ETFDH: variants seen among roughly 807,000 people sequenced by gnomAD.
ETFDH encodes electron transfer flavoprotein dehydrogenase.
Under a neutral mutation model 73.2 loss-of-function variants are expected in ETFDH, and 61 were observed. The observed-to-expected ratio is 0.83, with a 90% CI of 0.68 to 1.03. The LOEUF is 1.03. ETFDH is among the 50% of genes least tolerant of loss of function. The pLI is 0.00. For missense variants in ETFDH, 685 were observed against 745.0 expected (o/e 0.92, Z 0.94); for synonymous variants, 243 against 253.3 (o/e 0.96, Z 0.39).
chr4:158,707,255 T>C (rs183382502), intron 12 of ETFDH, among the ~76,000 whole-genome samples: 2 of 152,224 alleles, frequency 1.3e-5, no homozygotes, highest in African/African-American at 4.8e-5. Flanking sequence ...GAATATTCTT[T>C]CAGTGCTGAG....
chr4:158,676,519 G>A (rs1471146471), intron 1 of ETFDH, among the ~76,000 whole-genome samples: 1 of 152,204 alleles, frequency 6.6e-6, no homozygotes, highest in East Asian at 1.9e-4. Flanking sequence ...CTGGTCCCCA[G>A]GAAGGAAGGG....
At chr4:158,698,419 A>C (rs1257741442) in intron 8 of ETFDH, among the ~76,000 whole-genome samples, 1 of 152,190 alleles carries the variant, frequency 6.6e-6, no homozygotes, top group East Asian at 1.9e-4. Context: ...AGATGCAGTT[A>C]ATTTTAACAC....
chr4:158,672,742 A>T (rs1377748290), intron 1 of ETFDH, among the ~76,000 whole-genome samples: 1 of 151,954 alleles, frequency 6.6e-6, no homozygotes, highest in Admixed American at 6.6e-5. Context: ...CCTCGGCATC[A>T]CCACCACCTG....
At chr4:158,680,345 C>T in intron 1 of ETFDH, 122 bp from the exon 2 acceptor site, 2 of 658,492 alleles carry the variant, frequency 3.0e-6, no homozygotes, top group Non-Finnish European at 5.4e-6. Flanking sequence ...AAGTGTTCAC[C>T]TAGGAAAGAT....
chr4:158,678,628 G>A (rs2150303467), intron 1 of ETFDH, among the ~76,000 whole-genome samples: 1 of 149,600 alleles, frequency 6.7e-6, no homozygotes, highest in African/African-American at 2.4e-5. Context: ...GGAGAGAATT[G>A]AAGAATTTAT....
chr4:158,682,960 A>G (rs1773903645), intron 3 of ETFDH, among the ~76,000 whole-genome samples: 1 of 152,250 alleles, frequency 6.6e-6, no homozygotes, highest in Non-Finnish European at 1.5e-5. Context: ...TGTAATGGGT[A>G]TATGAGAAGA....
chr4:158,707,330 T>C (rs1774652938), intron 12 of ETFDH, among the ~76,000 whole-genome samples: 1 of 152,186 alleles, frequency 6.6e-6, no homozygotes, highest in African/African-American at 2.4e-5. Flanking sequence ...AAAATAGTAT[T>C]CCGATACTCG....
chr4:158,703,527 A>G lies in ETFDH; in HGVS notation c.1221A>G (p.Gly407=). The G allele has an allele frequency of 6.2e-7, 1 of 1,609,982 alleles. No individual in the cohort carries two copies. The highest frequency in any genetic ancestry group is 1.3e-5 in the African/African-American group (1 of 74,962). The part of the protein sequence containing the change: ...IKGTHTAMKS[G]ILAAESIFNQ... ...GTACTCACACAGCAATGAAAAGTGG[A>G]ATTTTAGCAGCAGAATCTATTTTTA... The change falls in exon 10 of 13, where the codon GGA becomes GGG. Residue 407 remains glycine (G), a synonymous_variant. Transcript: ENST00000511912.
chr4:158,702,850 G>C (rs1190441057), intron 9 of ETFDH, among the ~76,000 whole-genome samples: 1 of 152,088 alleles, frequency 6.6e-6, no homozygotes, highest in Non-Finnish European at 1.5e-5. Flanking sequence ...GGGATGGCTG[G>C]GTCATATGGG....
chr4:158,695,480 AT>A lies in ETFDH; in HGVS notation c.685-16del. ...AAATTGTCAAATGTTGCCATTTAACATGTTTTTGCTTTTCAGGCAACATTTG... is the reference window on the plus strand; with the variant it reads ...AAATTGTCAAATGTTGCCATTTAACAGTTTTTGCTTTTCAGGCAACATTTG... On this transcript the variant is annotated splice_polypyrimidine_tract_variant and intron_variant, in intron 6 of 12. Coordinates refer to ENST00000511912, the MANE Select transcript of ETFDH (RefSeq NM_004453.4). 6.2e-7 allele frequency: 1 copy of A among 1,607,354 alleles called. No individual in the cohort carries two copies. The highest frequency in any genetic ancestry group is 8.5e-7 in the Non-Finnish European group (1 of 1,174,330).
Position 158,684,677 on chromosome 4 carries a change from A to G in ETFDH, c.487+4A>G. Reference sequence around the variant, plus strand: ...ATTCCTGTGCCAATTCTTCCAGGTAAGGTATAGTGAATATGCATAGAACTA... The same window carrying G: ...ATTCCTGTGCCAATTCTTCCAGGTAGGGTATAGTGAATATGCATAGAACTA... On this transcript the variant is annotated splice_donor_region_variant and intron_variant, in intron 4 of 12. Coordinates refer to ENST00000511912, the MANE Select transcript of ETFDH (RefSeq NM_004453.4). 9 of 1,452,026 alleles carry G rather than the reference A, an allele frequency of 6.2e-6. No homozygotes were observed. Among genetic ancestry groups the G allele is most frequent in the Non-Finnish European group, 8.7e-6 (9 of 1,032,246 alleles). The allele number at this position is 1,452,026 out of a possible 1,614,324, so 89.9% of individuals were successfully genotyped here.
chr4:158,703,987 T>C (rs148977751), intron 10 of ETFDH, among the ~76,000 whole-genome samples: 26 of 152,262 alleles, frequency 1.7e-4, no homozygotes, highest in African/African-American at 6.0e-4. Flanking sequence ...TAATCCCAGC[T>C]ACTTGGGAGG....
chr4:158,684,618 A>T lies in ETFDH; in HGVS notation c.432A>T (p.Glu144Asp). ...CTCCACTTAACACTCCTGTAACAGAAGACAGATTTGGAATTTTAACAGAGA... is the reference window on the plus strand; with the variant it reads ...CTCCACTTAACACTCCTGTAACAGATGACAGATTTGGAATTTTAACAGAGA... ...KGAPLNTPVT[E>D]DRFGILTEKY... Residue 144 changes from glutamate to aspartate, a missense_variant, in exon 4 of 13, where the codon GAA (glutamate) becomes GAT (aspartate). By Grantham distance (45) the Glu-to-Asp change is conservative. Transcript: ENST00000511912. 1 of 1,584,364 alleles carries T rather than the reference A, an allele frequency of 6.3e-7. No individual in the cohort carries two copies. The highest frequency in any genetic ancestry group is 8.7e-7 in the Non-Finnish European group (1 of 1,153,024).
In ETFDH at chr4:158,697,665, A is replaced by G; in HGVS notation, c.938A>G (p.Asn313Ser). 6.2e-7 allele frequency: 1 copy of G among 1,613,836 alleles called. No homozygotes were observed. Among genetic ancestry groups the G allele is most frequent in the Non-Finnish European group, 8.5e-7 (1 of 1,179,856 alleles). Reference sequence around the variant, plus strand: ...GGAGGATCTTTCCTCTATCATTTGAATGAAGGTGAACCCCTAGTAGCTCTT... The same window carrying G: ...GGAGGATCTTTCCTCTATCATTTGAGTGAAGGTGAACCCCTAGTAGCTCTT... ...TYGGSFLYHL[N>S]EGEPLVALGL... The change falls in exon 8 of 13, where the codon AAT becomes AGT. Residue 313 changes from asparagine (N) to serine (S), a missense_variant. Coordinates refer to ENST00000511912, the MANE Select transcript of ETFDH (RefSeq NM_004453.4).
rs760629096 is a variant in ETFDH, at chr4:158,682,384, G to A, written c.365G>A (p.Gly122Asp). The A allele has an allele frequency of 1.2e-6, 2 of 1,614,056 alleles. No homozygotes were observed. Among genetic ancestry groups the A allele is most frequent in the East Asian group, 2.2e-5 (1 of 44,904 alleles). The change falls in exon 3 of 13, where the codon GGT becomes GAT. Residue 122 changes from glycine (G) to aspartate (D), a missense_variant. Coordinates refer to ENST00000511912, the MANE Select transcript of ETFDH (RefSeq NM_004453.4). The part of the protein sequence containing the change: ...HTLSGACLDP[G>D]AFKELFPDWK... ...CTCTCAGGGGCTTGCCTTGATCCAG[G>A]TGCTTTTAAAGAACTCTTCCCAGAC...
chr4:158,708,118 CTCAG>C (rs1443426647), intron 12 of ETFDH, among the ~76,000 whole-genome samples: 5 of 152,162 alleles, frequency 3.3e-5, no homozygotes, highest in African/African-American at 1.2e-4. Flanking sequence ...AACTCAAACA[CTCAG>C]TGTCGAGTAC....
rs1448698249 is a variant in ETFDH, at chr4:158,682,344, A to G, written c.325A>G (p.Ile109Val). 3 of 1,614,150 alleles carry G rather than the reference A, an allele frequency of 1.9e-6. No individual in the cohort carries two copies. Among genetic ancestry groups the G allele is most frequent in the East Asian group, 2.2e-5 (1 of 44,882 alleles). ...RVCLVEKAAQ[I>V]GAHTLSGACL... ...GTGTCTAGTGGAGAAAGCTGCCCAG[A>G]TAGGAGCTCATACTCTCTCAGGGGC... The change falls in exon 3 of 13, where the codon ATA (isoleucine) becomes GTA (valine). Residue 109 changes from isoleucine (I) to valine (V), a missense_variant. Coordinates refer to ENST00000511912, the MANE Select transcript of ETFDH (RefSeq NM_004453.4).
intron 5 of ETFDH, 56 bp downstream of exon 5, chr4:158,685,275 G>C: frequency 1.1e-6 from 1 of 912,292 alleles, no homozygotes; most frequent in East Asian, 2.4e-5. Flanking sequence ...TTTTTAATAA[G>C]TGGAGAATTT....
At chr4:158,684,889 A>T (rs1773962414) in intron 4 of ETFDH, 1 of 618,762 alleles carries the variant, frequency 1.6e-6, no homozygotes, top group Non-Finnish European at 2.9e-6. Flanking sequence ...CTTGTAAGCC[A>T]AGCAGGAATT....
Sources: allele counts gnomAD v4.1 joint callset (sites outside exome capture counted in the v4.1 genomes callset), GRCh38; gene constraint gnomAD v4.1.1; transcripts MANE v1.5; gene names NCBI Gene and HGNC (gene_info 2026-07-23, HGNC 2026-07-21).